MUC5B: variants seen among roughly 807,000 people sequenced by gnomAD.
MUC5B encodes the protein mucin 5B, oligomeric mucus/gel-forming, also known as mucin-5B.
A neutral mutation model predicts 376.9 loss-of-function variants in MUC5B; 116 were observed. That is an observed-to-expected ratio of 0.31 (90% CI 0.26 to 0.36). The LOEUF (loss-of-function observed/expected upper bound fraction) is 0.36. MUC5B is among the 10% of genes least tolerant of loss of function. MUC5B has a pLI of 1.00. For synonymous variants in MUC5B, 3,517 were observed against 3,390.9 expected, an observed-to-expected ratio of 1.04 and a Z score of -1.29; for missense variants, 7,165 against 7,769.9, an observed-to-expected ratio of 0.92 and a Z score of 2.93.
chr11:1,228,473 C>T lies in MUC5B; in HGVS notation c.775-91C>T. On this transcript the variant is annotated intron_variant, in intron 7 of 48. Coordinates refer to ENST00000529681, the MANE Select transcript of MUC5B (RefSeq NM_002458.3). Reference sequence around the variant, plus strand: ...AGGAACCCCGACAGGGAGAGGGCTTCCCGGCCTGGCCTGCCATGGGTCCTA... The same window carrying T: ...AGGAACCCCGACAGGGAGAGGGCTTTCCGGCCTGGCCTGCCATGGGTCCTA... 2.4e-6 allele frequency: 3 copies of T among 1,275,962 alleles called. No homozygotes were observed. The African/African-American group carries it at 4.5e-5, about 19-fold the overall frequency. 79.0% of individuals were successfully genotyped at this position (1,275,962 alleles called of 1,614,324 possible). A position where few individuals can be genotyped will look rare whatever the true frequency, so the allele number is the denominator to read the frequency against.
rs766893229 is a variant in MUC5B at position 1,244,919 on chromosome 11, G to C, written c.8039G>C (p.Ser2680Thr). 42 of 1,594,290 alleles carry C rather than the reference G, an allele frequency of 2.6e-5. No individual in the cohort carries two copies. Among genetic ancestry groups the C allele is most frequent in the Non-Finnish European group, 3.2e-5 (38 of 1,171,812 alleles). Residue 2680 changes from serine to threonine, a missense_variant, in exon 31 of 49, where the codon AGC (serine) becomes ACC (threonine). Coordinates refer to ENST00000529681, the MANE Select transcript of MUC5B (RefSeq NM_002458.3). Reference protein sequence around the residue: ...ATGSMATPSSSTQTSGTPPSL... With the variant: ...ATGSMATPSSTTQTSGTPPSL... ...GGTTCTATGGCAACACCCTCCTCTA[G>C]CACACAGACCAGTGGTACTCCCCCA...
At chr11:1,232,969 CT>C (rs1862062969) in intron 17 of MUC5B, 43 bp from the exon 18 acceptor site, 1 of 1,514,950 alleles carries the variant, frequency 6.6e-7, no homozygotes, top group Admixed American at 2.0e-5. Context: ...GCTGGCCAGG[CT>C]GCTCGGCCGC....
chr11:1,258,250 T>TG lies in MUC5B; in HGVS notation c.16555+52dup, dbSNP rs778695296. The TG allele has an allele frequency of 2.0e-5, 31 of 1,524,814 alleles. No individual in the cohort carries two copies. The East Asian group carries it at 5.4e-4, about 26-fold the overall frequency. The allele number at this position is 1,524,814 out of a possible 1,614,324, so 94.5% of individuals were successfully genotyped here. A position where few individuals can be genotyped will look rare whatever the true frequency, so the allele number is the denominator to read the frequency against. ...CTCCTGGGTGGCCTCTTGCTGGGGGTGGGGGAGTGCAGGATGGTGGGGGCG... is the reference window on the plus strand; with the variant it reads ...CTCCTGGGTGGCCTCTTGCTGGGGGTGGGGGGAGTGCAGGATGGTGGGGGCG... On this transcript the variant is annotated intron_variant, in intron 42 of 48. Coordinates refer to ENST00000529681, the MANE Select transcript of MUC5B (RefSeq NM_002458.3). The surrounding 1 kb of genome is among the most constrained non-coding windows in gnomAD (Gnocchi z 5.5).
intron 25 of MUC5B, among the ~76,000 whole-genome samples, chr11:1,238,458 G>A (rs1035322454): frequency 1.3e-5 from 2 of 152,190 alleles, no homozygotes; most frequent in African/African-American, 4.8e-5. Flanking sequence ...CTGCAGCGGA[G>A]GGAGGTGGGG....
At chr11:1,226,079 C>T in intron 2 of MUC5B, 126 bp from the exon 3 acceptor site, 1 of 946,962 alleles carries the variant, frequency 1.1e-6, no homozygotes, top group Non-Finnish European at 1.6e-6. Context: ...GCTGCCTTGG[C>T]CCCAGCCCAT....
chr11:1,232,964 C>T (rs758988061), intron 17 of MUC5B, 49 bp from the exon 18 acceptor site: 9 of 1,507,346 alleles, frequency 6.0e-6, no homozygotes, highest in South Asian at 5.0e-5. Context: ...TGGGGGCTGG[C>T]CAGGCTGCTC....
chr11:1,260,016 T>C lies in MUC5B; in HGVS notation c.16854T>C (p.Cys5618=). The C allele has an allele frequency of 6.2e-7, 1 of 1,612,942 alleles. No homozygotes were observed. The highest frequency in any genetic ancestry group is 8.5e-7 in the Non-Finnish European group (1 of 1,179,784). Residue 5618 remains cysteine (C), a synonymous_variant, in exon 46 of 49, where the codon TGT becomes TGC. Coordinates refer to ENST00000529681, the MANE Select transcript of MUC5B (RefSeq NM_002458.3). ...SHVDNCTVYL[C]EAEGGVHLLT... ...TGGACAACTGCACCGTGTACCTCTG[T>C]GAGGCTGAGGGTGGAGTCCATTTGC...
At chr11:1,256,502 C>A in intron 38 of MUC5B, 169 bp from the exon 39 acceptor site, 1 of 455,782 alleles carries the variant, frequency 2.2e-6, no homozygotes, top group Non-Finnish European at 3.9e-6. Flanking sequence ...CCGCCCACCC[C>A]CACCCCAGCC....
intron 11 of MUC5B, 131 bp from the exon 12 acceptor site, chr11:1,230,359 G>A: frequency 9.2e-7 from 1 of 1,086,308 alleles, no homozygotes; most frequent in South Asian, 1.6e-5. Flanking sequence ...GCTGCTGGGA[G>A]GTGACCAGAG....
rs746873370 is a variant in MUC5B at position 1,249,158 on chromosome 11, C to T, written c.12278C>T (p.Thr4093Ile). 1 of 1,611,372 alleles carries T rather than the reference C, an allele frequency of 6.2e-7. No homozygotes were observed. Among genetic ancestry groups the T allele is most frequent in the East Asian group, 2.2e-5 (1 of 44,888 alleles). The part of the protein sequence containing the change: ...GTTTPGHTTA[T>I]SRTTATATPS... ...ACCACCCCGGGCCACACCACGGCCA[C>T]CTCCAGGACCACGGCCACGGCCACA... Residue 4093 changes from threonine to isoleucine, a missense_variant, in exon 31 of 49, where the codon ACC (threonine) becomes ATC (isoleucine). Thr to Ile is a moderately conservative substitution (Grantham distance 89). Transcript: ENST00000529681.
intron 29 of MUC5B, 23 bp downstream of exon 29, chr11:1,240,111 G>A: frequency 6.4e-7 from 1 of 1,562,824 alleles, no homozygotes; most frequent in Non-Finnish European, 8.7e-7. Flanking sequence ...CGGGGGGTTA[G>A]TGGGCCGGTG....
intron 35 of MUC5B, 31 bp downstream of exon 35, chr11:1,254,911 G>A (rs745422444): frequency 6.3e-7 from 1 of 1,596,694 alleles, no homozygotes; most frequent in South Asian, 1.1e-5. Context: ...GCCCCGGCCA[G>A]GGCTGCTGCT....
Position 1,228,840 on chromosome 11 carries a change from G to C in MUC5B, c.976+75G>C, listed in dbSNP as rs1206723946. ...AGGGGGAGCGCCTTGGGGGCCACTG[G>C]GGGTGGGGAGGCCTGGGGGACAGGG... On this transcript the variant is annotated intron_variant, in intron 8 of 48. Coordinates refer to ENST00000529681, the MANE Select transcript of MUC5B (RefSeq NM_002458.3). The C allele has an allele frequency of 7.8e-6, 10 of 1,289,056 alleles. No individual in the cohort carries two copies. In the East Asian group the frequency reaches 2.6e-4, roughly 34 times the overall value. The allele number at this position is 1,289,056 out of a possible 1,614,324, so 79.9% of individuals were successfully genotyped here. A position where few individuals can be genotyped will look rare whatever the true frequency, so the allele number is the denominator to read the frequency against.
intron 23 of MUC5B, among the ~76,000 whole-genome samples, chr11:1,235,802 C>G (rs190160172): frequency 5.9e-5 from 9 of 151,838 alleles, no homozygotes; most frequent in East Asian, 3.9e-4. Context: ...AGGGCCCCCC[C>G]CCGCCCCCAC....
At chr11:1,228,860 A>C in intron 8 of MUC5B, 95 bp downstream of exon 8, 1 of 983,092 alleles carries the variant, frequency 1.0e-6, no homozygotes. Context: ...GGCCTGGGGG[A>C]CAGGGGTGGA....
rs763143064 is a variant in MUC5B at position 1,255,222 on chromosome 11, C to A, written c.15846C>A (p.Pro5282=). The change falls in exon 36 of 49, where the codon CCC becomes CCA. Residue 5282 remains proline, a synonymous_variant. Transcript: ENST00000529681. The stretch of plus-strand genomic sequence containing the variant: ...CCCCGGTGTCTAGCACACCCACCCC[C>A]ACCCCATGCCCACCACAGCCGCTCT... ...PAAPVSSTPT[P]TPCPPQPLCD... 2 of 1,537,922 alleles carry A rather than the reference C, an allele frequency of 1.3e-6. No individual in the cohort carries two copies. Among genetic ancestry groups the A allele is most frequent in the South Asian group, 1.2e-5 (1 of 82,912 alleles).
At position 1,252,540 on chromosome 11, in the gene MUC5B, C is replaced by T. The variant is rs188925106; in HGVS notation, c.15045+16C>T. The T allele has an allele frequency of 3.4e-4, 519 of 1,526,704 alleles. 5 individuals are homozygous for T. The highest frequency in any genetic ancestry group is 3.9e-5 in the Non-Finnish European group (44 of 1,137,036). 94.6% of individuals were successfully genotyped at this position (1,526,704 alleles called of 1,614,324 possible). A position where few individuals can be genotyped will look rare whatever the true frequency, so the allele number is the denominator to read the frequency against. ...TCTCCGGCAGGTGGGCCCCGCCTGCCCTCCACCTCCCGTGCTGCGTGCACA... is the reference window on the plus strand; with the variant it reads ...TCTCCGGCAGGTGGGCCCCGCCTGCTCTCCACCTCCCGTGCTGCGTGCACA... On this transcript the variant is annotated intron_variant, in intron 32 of 48. Coordinates refer to ENST00000529681, the MANE Select transcript of MUC5B (RefSeq NM_002458.3).
At chr11:1,225,871 C>G in intron 2 of MUC5B, 134 bp downstream of exon 2, 2 of 824,618 alleles carry the variant, frequency 2.4e-6, no homozygotes. Flanking sequence ...CTGCCCAGGA[C>G]AATACCCAGC....
intron 26 of MUC5B, 25 bp downstream of exon 26, chr11:1,239,052 C>T (rs909430437): frequency 3.4e-5 from 53 of 1,566,630 alleles, no homozygotes; most frequent in Non-Finnish European, 4.3e-5. Flanking sequence ...GTCCGTGGTG[C>T]TGAAGGGTGG....
Sources: allele counts gnomAD v4.1 joint callset (sites outside exome capture counted in the v4.1 genomes callset), GRCh38; gene constraint gnomAD v4.1.1; non-coding constraint Gnocchi (gnomAD v3.1); transcripts MANE v1.5; gene names NCBI Gene and HGNC (gene_info 2026-07-23, HGNC 2026-07-21).